The following IL1RAPL1 variants were observed in gnomAD, a reference collection of about 807,000 sequenced individuals.
IL1RAPL1 encodes the protein interleukin 1 receptor accessory protein like 1.
A neutral mutation model predicts 48.4 loss-of-function variants in IL1RAPL1; 3 were observed. The ratio of observed to expected loss-of-function variants is 0.06; its 90% confidence interval spans 0.03 to 0.16. The LOEUF (loss-of-function observed/expected upper bound fraction) is 0.16, where lower values mean the gene tolerates loss of function less well. Ranked by LOEUF, IL1RAPL1 falls within the 10% of genes least tolerant of loss-of-function variation. The pLI, the probability that IL1RAPL1 is intolerant of heterozygous loss-of-function variation, is 1.00. For missense variants in IL1RAPL1, 349 were observed against 530.6 expected, an observed-to-expected ratio of 0.66 and a Z score of 3.36; for synonymous variants, 185 against 187.7, an observed-to-expected ratio of 0.99 and a Z score of 0.12.
chrX:29,601,552 T>G (rs1923718978), intron 5 of IL1RAPL1, among the ~76,000 whole-genome samples: 1 of 112,163 alleles, frequency 8.9e-6, no homozygotes, highest in Non-Finnish European at 1.9e-5. Context: ...CTGGGCTGTA[T>G]GGGTTCCCCA....
At chrX:28,675,150 G>C (rs758128843) in intron 1 of IL1RAPL1, among the ~76,000 whole-genome samples, 1 of 111,580 alleles carries the variant, frequency 9.0e-6, no homozygotes, top group East Asian at 2.8e-4. Flanking sequence ...AATATTATGT[G>C]ACCATTTGGT....
chrX:28,789,932 T>C (rs1034225805), intron 2 of IL1RAPL1, among the ~76,000 whole-genome samples: 4 of 111,864 alleles, frequency 3.6e-5, no homozygotes, highest in Non-Finnish European at 5.6e-5. Flanking sequence ...ATAGGAAATA[T>C]AGAGGTAAAG....
rs921001047 is a variant in IL1RAPL1 at position 29,871,851 on chromosome X, G to A, written c.779-45613G>A. Among the ~76,000 whole-genome samples, 5 of 110,770 alleles carry A rather than the reference G, an allele frequency of 4.5e-5. No homozygotes were observed. In the Admixed American group the frequency reaches 4.8e-4, roughly 11 times the overall value. On this transcript the variant is annotated intron_variant, in intron 6 of 10. Coordinates refer to ENST00000378993, the MANE Select transcript of IL1RAPL1 (RefSeq NM_014271.4). ...CGATTCTCCTGCCTCAGCCTCCCAA[G>A]TAGCTGGGATTAGAGGTGCCCACCA... is the stretch of plus-strand genomic sequence containing the variant.
chrX:29,718,545 T>C (rs1927546163), intron 6 of IL1RAPL1, among the ~76,000 whole-genome samples: 1 of 103,147 alleles, frequency 9.7e-6, no homozygotes, highest in African/African-American at 3.6e-5. Context: ...CCAGGGTACA[T>C]GTATACCTAT....
chrX:28,936,156 G>A lies in IL1RAPL1; in HGVS notation c.82+146731G>A, dbSNP rs567756210. 7.2e-4 allele frequency among the ~76,000 whole-genome samples: 80 copies of A among 110,780 alleles called. No individual in the cohort carries two copies. In the South Asian group the frequency reaches 0.017, roughly 24 times the overall value. On this transcript the variant is annotated intron_variant, in intron 2 of 10. Coordinates refer to ENST00000378993, the MANE Select transcript of IL1RAPL1 (RefSeq NM_014271.4). ...TAGTCTCTATCCCTCATGCTGAATC[G>A]AGCATCCTATGACTTGTCTAAGATT...
At chrX:28,848,653 A>T (rs1048421050) in intron 2 of IL1RAPL1, among the ~76,000 whole-genome samples, 19 of 111,491 alleles carry the variant, frequency 1.7e-4, no homozygotes, top group Admixed American at 2.9e-4. Context: ...GGTTCTTGGG[A>T]TGCTTCCAAC....
chrX:29,440,340 A>G (rs1440408676), intron 5 of IL1RAPL1, among the ~76,000 whole-genome samples: 1 of 111,503 alleles, frequency 9.0e-6, no homozygotes, highest in East Asian at 2.8e-4. Flanking sequence ...GAATGATGGC[A>G]GTGATTGTTT....
intron 2 of IL1RAPL1, among the ~76,000 whole-genome samples, chrX:29,170,343 T>C (rs1929882915): frequency 8.9e-6 from 1 of 111,748 alleles, no homozygotes; most frequent in Admixed American, 9.6e-5. Flanking sequence ...GGAAAAATAG[T>C]AGATATAACC....
intron 6 of IL1RAPL1, among the ~76,000 whole-genome samples, chrX:29,696,460 A>C (rs1240396427): frequency 1.8e-5 from 2 of 112,149 alleles, no homozygotes; most frequent in African/African-American, 6.5e-5. Flanking sequence ...GTGCCTTCAG[A>C]ACATATGATT....
rs780556399 is a variant in IL1RAPL1, at chrX:29,782,037, CTGAA to C, written c.778+113538_778+113541del. On this transcript the variant is annotated intron_variant, in intron 6 of 10. Coordinates refer to ENST00000378993, the MANE Select transcript of IL1RAPL1 (RefSeq NM_014271.4). ...GATTGATTGGTTGTTTTAGAAAGAGCTGAATGAAACATTTCAGTTTCGTTGTTGA... is the reference window on the plus strand; with the variant it reads ...GATTGATTGGTTGTTTTAGAAAGAGCTGAAACATTTCAGTTTCGTTGTTGA... Among the ~76,000 whole-genome samples the C allele has an allele frequency of 3.6e-5, 4 of 110,904 alleles. No homozygotes were observed. The East Asian group carries it at 1.1e-3, about 31-fold the overall frequency.
chrX:29,818,745 C>T (rs1275441949), intron 6 of IL1RAPL1, among the ~76,000 whole-genome samples: 2 of 112,066 alleles, frequency 1.8e-5, no homozygotes, highest in Non-Finnish European at 3.8e-5. Context: ...TAGCTGAAAG[C>T]AATGCTATCA....
intron 6 of IL1RAPL1, among the ~76,000 whole-genome samples, chrX:29,814,173 T>C (rs1930440836): frequency 8.9e-6 from 1 of 112,203 alleles, no homozygotes; most frequent in Non-Finnish European, 1.9e-5. Flanking sequence ...CCAAACTGCT[T>C]TCCACATTAC....
At chrX:28,788,642 T>TTA (rs1443276495) in intron 1 of IL1RAPL1, among the ~76,000 whole-genome samples, 2 of 107,443 alleles carry the variant, frequency 1.9e-5, no homozygotes, top group Non-Finnish European at 3.9e-5. Context: ...ATTTTTTTTT[T>TTA]TTTTTGTAGT....
intron 5 of IL1RAPL1, among the ~76,000 whole-genome samples, chrX:29,418,934 T>C (rs1934257317): frequency 8.9e-6 from 1 of 112,429 alleles, no homozygotes; most frequent in South Asian, 3.7e-4. Flanking sequence ...TGTCGTTTGA[T>C]AAACATTTAG....
intron 3 of IL1RAPL1, among the ~76,000 whole-genome samples, chrX:29,352,087 T>G (rs1042428734): frequency 8.9e-6 from 1 of 112,317 alleles, no homozygotes; most frequent in Admixed American, 9.5e-5. Flanking sequence ...TAGACAGACA[T>G]AGAAATATCT....
intron 2 of IL1RAPL1, among the ~76,000 whole-genome samples, chrX:29,275,809 A>G: frequency 8.9e-6 from 1 of 112,218 alleles, no homozygotes; most frequent in Non-Finnish European, 1.9e-5. Flanking sequence ...TGAGTTGCAC[A>G]TCATATGCGG....
At chrX:28,848,077 C>T (rs1055130664) in intron 2 of IL1RAPL1, among the ~76,000 whole-genome samples, 2 of 111,314 alleles carry the variant, frequency 1.8e-5, no homozygotes, top group East Asian at 2.9e-4. Context: ...GAAAACCAAA[C>T]ACTGCATGTT....
rs762978422 is a variant in IL1RAPL1 at position 29,331,060 on chromosome X, G to A, written c.362+47843G>A. On this transcript the variant is annotated intron_variant, in intron 3 of 10. Coordinates refer to ENST00000378993, the MANE Select transcript of IL1RAPL1 (RefSeq NM_014271.4). The stretch of plus-strand genomic sequence containing the variant: ...CACACGCTTGTAATCCCAGCTACTC[G>A]GGAGGTTGAGGCGGGAGAATCGCTT... Among the ~76,000 whole-genome samples, 13 of 111,055 alleles carry A rather than the reference G, an allele frequency of 1.2e-4. No individual in the cohort carries two copies. The South Asian group carries it at 1.9e-3, about 16-fold the overall frequency.
chrX:28,722,079 C>T (rs1935591882), intron 1 of IL1RAPL1, among the ~76,000 whole-genome samples: 1 of 111,784 alleles, frequency 8.9e-6, no homozygotes, highest in Non-Finnish European at 1.9e-5. Context: ...GCAATGCAGG[C>T]TCTTTTTTGG....
Sources: gnomAD v4.1 joint callset for allele counts (sites outside exome capture counted in the v4.1 genomes callset) on GRCh38, gnomAD v4.1.1 for gene constraint, MANE v1.5 for transcripts, NCBI Gene and HGNC (gene_info 2026-07-23, HGNC 2026-07-21) for gene names.